PLPPR3: variants seen among roughly 807,000 people sequenced by gnomAD.
PLPPR3 encodes the protein phospholipid phosphatase related 3.
In PLPPR3, 14 loss-of-function variants were observed where a neutral mutation model predicts 27.3. That is an observed-to-expected ratio of 0.51 (90% CI 0.34 to 0.80). PLPPR3 has a LOEUF of 0.80. Among genes scored for constraint, PLPPR3 ranks in the 30% least tolerant of loss-of-function variants. The probability of loss-of-function intolerance (pLI) is 0.01; values close to 1 mark genes in which losing one functional copy is unlikely to be tolerated. For missense variants in PLPPR3, 1,287 were observed against 1,056.9 expected, an observed-to-expected ratio of 1.22 and a Z score of -3.02; for synonymous variants, 671 against 508.0, an observed-to-expected ratio of 1.32 and a Z score of -4.32.
At chr19:815,590 G>A (rs2035040065) in intron 3 of PLPPR3, 76 bp downstream of exon 3, 38 of 1,418,046 alleles carry the variant, frequency 2.7e-5, no homozygotes, top group Non-Finnish European at 3.5e-5. Flanking sequence ...CAGTGTGGAT[G>A]TTCACCGAGG....
chr19:813,338 C>G lies in PLPPR3; in HGVS notation c.1389G>C (p.Pro463=), dbSNP rs1024197986. 2 of 1,473,154 alleles carry G rather than the reference C, an allele frequency of 1.4e-6. No individual in the cohort carries two copies. The highest frequency in any genetic ancestry group is 1.8e-6 in the Non-Finnish European group (2 of 1,121,594). 91.3% of individuals were successfully genotyped at this position (1,473,154 alleles called of 1,614,324 possible). A position where few individuals can be genotyped will look rare whatever the true frequency, so the allele number is the denominator to read the frequency against. ...EEEEEEEDEG[P]APPSLYPTVQ... is the part of the protein sequence containing the mutation. ...CGGTGGGGTAGAGCGAGGGCGGGGC[C>G]GGGCCCTCGTCCTCCTCCTCTTCCT... Residue 463 remains proline, a synonymous_variant, in exon 8 of 8, where the codon CCG becomes CCC. Coordinates refer to ENST00000520876, the MANE Select transcript of PLPPR3 (RefSeq NM_001270366.2). This position sits in a 1 kb window ranked among gnomAD's most constrained non-coding sequence, Gnocchi z 4.1.
rs1433555608 is a variant in PLPPR3 at position 813,236 on chromosome 19, C to G, written c.1491G>C (p.Pro497=). The change falls in exon 8 of 8, where the codon CCG becomes CCC. Residue 497 remains proline, a synonymous_variant. Coordinates refer to ENST00000520876, the MANE Select transcript of PLPPR3 (RefSeq NM_001270366.2). The surrounding 1 kb of genome is among the most constrained non-coding windows in gnomAD (Gnocchi z 4.1). ...CGGCCCCCGTCTGCGCGCCCTCCTC[C>G]GGGATGTGCACCAGCGGCGGCGGCC... ...RAGPPPLVHI[P]EEGAQTGAGL... The G allele has an allele frequency of 6.7e-7, 1 of 1,493,092 alleles. No individual in the cohort carries two copies. Among genetic ancestry groups the G allele is most frequent in the East Asian group, 2.7e-5 (1 of 36,716 alleles). 92.5% of individuals were successfully genotyped at this position (1,493,092 alleles called of 1,614,324 possible).
chr19:818,243 C>T (rs2035091962), intron 2 of PLPPR3, among the ~76,000 whole-genome samples: 1 of 151,886 alleles, frequency 6.6e-6, no homozygotes, highest in African/African-American at 2.4e-5. Flanking sequence ...ATTAACCCAG[C>T]GTGGTGGTGC....
rs571429995 is a variant in PLPPR3 at position 815,724 on chromosome 19, T to C, written c.203A>G (p.Glu68Gly). 1 of 1,610,946 alleles carries C rather than the reference T, an allele frequency of 6.2e-7. No individual in the cohort carries two copies. Among genetic ancestry groups the C allele is most frequent in the East Asian group, 2.2e-5 (1 of 44,754 alleles). ...CAGCATCAGCAGCGGGATGAGCTCC[T>C]CGTTGGTCTCCACGTAGGGCATGGA... ...TLSMPYVETN[E>G]ELIPLLMLLS... Residue 68 changes from glutamate (E) to glycine (G), a missense_variant, in exon 3 of 8, where the codon GAG becomes GGG. Coordinates refer to ENST00000520876, the MANE Select transcript of PLPPR3 (RefSeq NM_001270366.2).
In PLPPR3 at chr19:821,604, CG is replaced by C; in HGVS notation, c.-26-20del. 1 of 1,363,976 alleles carries C rather than the reference CG, an allele frequency of 7.3e-7. No individual in the cohort carries two copies. The highest frequency in any genetic ancestry group is 9.7e-7 in the Non-Finnish European group (1 of 1,030,608). 84.5% of individuals were successfully genotyped at this position (1,363,976 alleles called of 1,614,324 possible). A position where few individuals can be genotyped will look rare whatever the true frequency, so the allele number is the denominator to read the frequency against. On this transcript the variant is annotated intron_variant, in intron 1 of 7. Coordinates refer to ENST00000520876, the MANE Select transcript of PLPPR3 (RefSeq NM_001270366.2). ...GCCGTGGCTGGAGGGGAGAAAGCGGCGCTGGAGGGGGGCGCGCAGGCGGAGC... is the reference window on the plus strand; with the variant it reads ...GCCGTGGCTGGAGGGGAGAAAGCGGCCTGGAGGGGGGCGCGCAGGCGGAGC...
Position 812,503 on chromosome 19 carries a change from T to C in PLPPR3, c.*67A>G. ...GAGCCGGACCTCGGTTTCTGCCGCTTTATTGAGCATCCGCGCGGCCGCCCG... is the reference window on the plus strand; with the variant it reads ...GAGCCGGACCTCGGTTTCTGCCGCTCTATTGAGCATCCGCGCGGCCGCCCG... On this transcript the variant is annotated 3_prime_UTR_variant, in exon 8 of 8. Transcript: ENST00000520876. The C allele has an allele frequency of 1.0e-6, 1 of 979,120 alleles. No homozygotes were observed. Among genetic ancestry groups the C allele is most frequent in the East Asian group, 1.1e-4 (1 of 9,120 alleles). The allele number at this position is 979,120 out of a possible 1,614,324, so 60.7% of individuals were successfully genotyped here. A position where few individuals can be genotyped will look rare whatever the true frequency, so the allele number is the denominator to read the frequency against.
Position 815,258 on chromosome 19 carries a change from C to T in PLPPR3, c.331G>A (p.Gly111Arg), listed in dbSNP as rs202012376. 6.1e-3 allele frequency: 9,513 copies of T among 1,568,382 alleles called. 45 individuals are homozygous for T. The highest frequency in any genetic ancestry group is 7.3e-3 in the Non-Finnish European group (8,411 of 1,159,648). ...CCGGCGTTGATGCTGCCCTCCGCCC[C>T]GGCGGGCCCCCCGGCACGGCCCCAC... ...RLWGRAGGPA[G>R]AEGSINAGGC... is the part of the protein sequence containing the mutation. The change falls in exon 4 of 8, where the codon GGG (glycine) becomes AGG (arginine). Residue 111 changes from glycine to arginine, a missense_variant. Coordinates refer to ENST00000520876, the MANE Select transcript of PLPPR3 (RefSeq NM_001270366.2).
chr19:815,633 C>T, intron 3 of PLPPR3, 33 bp downstream of exon 3: 1 of 1,545,148 alleles, frequency 6.5e-7, no homozygotes, highest in Non-Finnish European at 8.7e-7. Context: ...GTGGTGCCCA[C>T]AGGCTGGCAC....
intron 2 of PLPPR3, among the ~76,000 whole-genome samples, chr19:817,123 ACTGCAACCT>A (rs1047279346): frequency 3.3e-5 from 5 of 151,526 alleles, no homozygotes; most frequent in Non-Finnish European, 5.9e-5. Flanking sequence ...ATCTCAACTC[ACTGCAACCT>A]CTGCCTCCTG....
intron 2 of PLPPR3, among the ~76,000 whole-genome samples, chr19:817,910 G>A (rs2035085608): frequency 6.6e-6 from 1 of 152,190 alleles, no homozygotes; most frequent in Non-Finnish European, 1.5e-5. Context: ...TGCAAAATGG[G>A]AATGATAAAG....
intron 2 of PLPPR3, among the ~76,000 whole-genome samples, chr19:818,947 C>G (rs2035104396): frequency 7.0e-6 from 1 of 141,864 alleles, no homozygotes; most frequent in Non-Finnish European, 1.5e-5. Context: ...GTGTGAGCCA[C>G]TGCGCTCGGC....
At chr19:823,374 G>A (rs1183124346), upstream of PLPPR3, among the ~76,000 whole-genome samples, 2 of 151,612 alleles carry the variant, frequency 1.3e-5, no homozygotes, top group East Asian at 1.9e-4. Context: ...CCTGGGAGGC[G>A]GAGGTTGCAG....
chr19:812,846 G>C lies in PLPPR3; in HGVS notation c.1881C>G (p.Gly627=), dbSNP rs1252810940. ...CCGGGGGCTTGGCCCCGCCGCGGAAGCCGCGCGCCAGGTCCCCCAGCTCGT... is the reference window on the plus strand; with the variant it reads ...CCGGGGGCTTGGCCCCGCCGCGGAACCCGCGCGCCAGGTCCCCCAGCTCGT... ...GGYELGDLAR[G]FRGGAKPPGV... is the part of the protein sequence containing the mutation. Residue 627 remains glycine (G), a synonymous_variant, in exon 8 of 8, where the codon GGC becomes GGG. Transcript: ENST00000520876. 4 of 1,129,396 alleles carry C rather than the reference G, an allele frequency of 3.5e-6. No individual in the cohort carries two copies. The highest frequency in any genetic ancestry group is 3.3e-6 in the Non-Finnish European group (3 of 921,050). The allele number at this position is 1,129,396 out of a possible 1,614,324, so 70.0% of individuals were successfully genotyped here.
intron 2 of PLPPR3, among the ~76,000 whole-genome samples, chr19:817,586 G>A (rs10405520): frequency 0.087 from 13,305 of 152,178 alleles, 914 homozygotes; most frequent in African/African-American, 0.19. Flanking sequence ...GGCCCCAGTC[G>A]TAATTTCTGC....
chr19:812,609 G>A lies in PLPPR3; in HGVS notation c.2118C>T (p.Gly706=). 1 of 1,116,036 alleles carries A rather than the reference G, an allele frequency of 9.0e-7. No individual in the cohort carries two copies. Among genetic ancestry groups the A allele is most frequent in the South Asian group, 2.0e-5 (1 of 50,106 alleles). The allele number at this position is 1,116,036 out of a possible 1,614,324, so 69.1% of individuals were successfully genotyped here. A position where few individuals can be genotyped will look rare whatever the true frequency, so the allele number is the denominator to read the frequency against. Residue 706 remains glycine, a synonymous_variant, in exon 8 of 8, where the codon GGC becomes GGT. Transcript: ENST00000520876. ...AEREAEAEAE[G]YFRKMQARRF... ...GGCGCGCCTGCATCTTGCGGAAGTAGCCCTCGGCCTCCGCCTCCGCCTCGC... is the reference window on the plus strand; with the variant it reads ...GGCGCGCCTGCATCTTGCGGAAGTAACCCTCGGCCTCCGCCTCCGCCTCGC...
chr19:817,586 G>GT (rs1568286368), intron 2 of PLPPR3, among the ~76,000 whole-genome samples: 1 of 152,078 alleles, frequency 6.6e-6, no homozygotes, highest in East Asian at 1.9e-4. Flanking sequence ...GGCCCCAGTC[G>GT]TAATTTCTGC....
chr19:815,684 G>A lies in PLPPR3; in HGVS notation c.243C>T (p.Phe81=), dbSNP rs779957716. The change falls in exon 3 of 8, where the codon TTC becomes TTT. Residue 81 remains phenylalanine, a synonymous_variant. Coordinates refer to ENST00000520876, the MANE Select transcript of PLPPR3 (RefSeq NM_001270366.2). The part of the protein sequence containing the change: ...IPLLMLLSLA[F]AAPAASIMVA... ...TGCTCACCGAGGCGGCAGGGGCCGC[G>A]AAGGCCAAGCTGAGCAGCATCAGCA... The A allele has an allele frequency of 1.8e-5, 28 of 1,596,536 alleles. No homozygotes were observed. In the East Asian group the frequency reaches 3.0e-4, roughly 17 times the overall value.
At chr19:816,640 TATCC>T (rs1198785423) in intron 2 of PLPPR3, among the ~76,000 whole-genome samples, 2 of 148,830 alleles carry the variant, frequency 1.3e-5, no homozygotes, top group African/African-American at 2.5e-5. Flanking sequence ...TTCATTCATC[TATCC>T]ATCCATCCAT....
At chr19:814,826 C>G in intron 5 of PLPPR3, 60 bp downstream of exon 5, 3 of 1,577,610 alleles carry the variant, frequency 1.9e-6, no homozygotes, top group Non-Finnish European at 2.6e-6. Context: ...CTCTGTTTCC[C>G]CGCATGTTCA....
Sources: allele counts gnomAD v4.1 joint callset (sites outside exome capture counted in the v4.1 genomes callset), GRCh38; gene constraint gnomAD v4.1.1; non-coding constraint Gnocchi (gnomAD v3.1); transcripts MANE v1.5; gene names NCBI Gene and HGNC (gene_info 2026-07-23, HGNC 2026-07-21).